ZNF91: variants seen among roughly 807,000 people sequenced by gnomAD.
ZNF91 encodes the protein zinc finger protein 91 (HPF7, HTF10).
Under a neutral mutation model 12.6 loss-of-function variants are expected in ZNF91, and 7 were observed. That is an observed-to-expected ratio of 0.55 (90% CI 0.31 to 1.04). The LOEUF is 1.04. Among genes scored for constraint, ZNF91 ranks in the 50% least tolerant of loss-of-function variants. The pLI, the probability that ZNF91 is intolerant of heterozygous loss-of-function variation, is 0.05. For synonymous variants in ZNF91, 453 were observed against 462.6 expected, an observed-to-expected ratio of 0.98 and a Z score of 0.27; for missense variants, 1,217 against 1,385.4, an observed-to-expected ratio of 0.88 and a Z score of 1.93.
chr19:23,359,367 C>T lies in ZNF91; in HGVS notation c.*36G>A, dbSNP rs112364077. ...CCTCTCGCATAGCTGGGACTACAGGCGCCCGCCACCACGCCCGGCTAATTT... is the reference window on the plus strand; with the variant it reads ...CCTCTCGCATAGCTGGGACTACAGGTGCCCGCCACCACGCCCGGCTAATTT... On this transcript the variant is annotated 3_prime_UTR_variant, in exon 4 of 4. Coordinates refer to ENST00000300619, the MANE Select transcript of ZNF91 (RefSeq NM_003430.4). The T allele has an allele frequency of 2.8e-4, 197 of 710,468 alleles. 1 individual carries two copies. Among genetic ancestry groups the T allele is most frequent in the African/African-American group, 2.4e-3 (132 of 55,650 alleles). The allele number at this position is 710,468 out of a possible 1,614,324, so 44.0% of individuals were successfully genotyped here.
chr19:23,349,740 C>G (rs1350238578), intron 3 of ZNF91, among the ~76,000 whole-genome samples: 2 of 152,178 alleles, frequency 1.3e-5, no homozygotes, highest in African/African-American at 4.8e-5. Flanking sequence ...ATTCATCGCA[C>G]TAGGGTCAAG....
At chr19:23,356,967 C>T (rs758593614), downstream of ZNF91, among the ~76,000 whole-genome samples, 4 of 151,988 alleles carry the variant, frequency 2.6e-5, no homozygotes, top group African/African-American at 9.7e-5. Context: ...AGGCGGCTCA[C>T]GCCTGTAATC....
chr19:23,385,112 A>G (rs1010238497), intron 1 of ZNF91: 101 of 796,032 alleles, frequency 1.3e-4, no homozygotes, highest in Non-Finnish European at 2.8e-5. Context: ...CTGTCCGAAC[A>G]GTACCCCGAA....
intron 1 of ZNF91, among the ~76,000 whole-genome samples, chr19:23,321,264 T>G (rs988239827): frequency 6.6e-6 from 1 of 152,150 alleles, no homozygotes; most frequent in African/African-American, 2.4e-5. Flanking sequence ...GACTCTATTC[T>G]CAAGCCTTGG....
intron 3 of ZNF91, among the ~76,000 whole-genome samples, chr19:23,340,919 TATA>T (rs1212055937): frequency 9.2e-5 from 14 of 151,420 alleles, no homozygotes; most frequent in Admixed American, 7.9e-4. Context: ...AACTCAAAAA[TATA>T]ATAATAGTAA....
intron 1 of ZNF91, among the ~76,000 whole-genome samples, chr19:23,389,007 G>A (rs1004693866): frequency 1.3e-5 from 2 of 152,112 alleles, no homozygotes; most frequent in African/African-American, 4.8e-5. Context: ...GAGGGTGGAG[G>A]GTGGCAGGAG....
At chr19:23,369,320 AAAC>A (rs1255498472) in intron 3 of ZNF91, among the ~76,000 whole-genome samples, 2 of 150,210 alleles carry the variant, frequency 1.3e-5, no homozygotes, top group Non-Finnish European at 3.0e-5. Context: ...AGAAAAAAAA[AAAC>A]AACGCCCGGG....
At chr19:23,385,146 C>A in intron 1 of ZNF91, 1 of 731,102 alleles carries the variant, frequency 1.4e-6, no homozygotes. Context: ...ACATGTTTCA[C>A]CATCCCGCGT....
In ZNF91 at chr19:23,362,211, A is replaced by T; in HGVS notation, c.768T>A (p.His256Gln). 3 of 1,612,982 alleles carry T rather than the reference A, an allele frequency of 1.9e-6. No homozygotes were observed. The highest frequency in any genetic ancestry group is 1.7e-6 in the Non-Finnish European group (2 of 1,179,322). ...TTTTCTCTTTAGCACAGATTATTTT[A>T]TGTGTAGTAAGGGTTGAGAGCTGCT... ...AFKQLSTLTT[H>Q]KIICAKEKIY... Residue 256 changes from histidine (H) to glutamine (Q), a missense_variant, in exon 4 of 4, where the codon CAT becomes CAA. This residue lies in a region of ZNF91 where 726 missense variants were observed against 895.5 expected (regional missense o/e 0.81). Coordinates refer to ENST00000300619, the MANE Select transcript of ZNF91 (RefSeq NM_003430.4).
intron 1 of ZNF91, among the ~76,000 whole-genome samples, chr19:23,319,569 CAT>C (rs34638871): frequency 0.19 from 28,610 of 152,178 alleles, 2,903 homozygotes; most frequent in Non-Finnish European, 0.21. Flanking sequence ...GGCCTTGTGA[CAT>C]ATATCTGCAT....
exon 4 of ZNF91, chr19:23,338,791 C>G (rs547459578): frequency 7.9e-5 from 12 of 152,062 alleles, no homozygotes; most frequent in African/African-American, 2.7e-4. Context: ...CGGTGGCTCA[C>G]GCCTGTAGTC....
At chr19:23,337,047 T>C (rs571350896), downstream of ZNF91, among the ~76,000 whole-genome samples, 75 of 152,342 alleles carry the variant, frequency 4.9e-4, no homozygotes, top group South Asian at 0.011. Context: ...ATAGATTGCA[T>C]AGTGGTGAAG....
upstream of ZNF91, among the ~76,000 whole-genome samples, chr19:23,313,529 T>C (rs1946199498): frequency 6.6e-6 from 1 of 152,166 alleles, no homozygotes; most frequent in Non-Finnish European, 1.5e-5. Flanking sequence ...CAGAGAACAT[T>C]GTAATTTACT....
intron 1 of ZNF91, among the ~76,000 whole-genome samples, chr19:23,320,951 GC>G (rs1308871089): frequency 6.6e-6 from 1 of 152,136 alleles, no homozygotes; most frequent in Non-Finnish European, 1.5e-5. Flanking sequence ...CCATAATTTA[GC>G]ACACGTGTCA....
At chr19:23,333,335 T>C (rs909923912) in intron 1 of ZNF91, among the ~76,000 whole-genome samples, 4 of 152,226 alleles carry the variant, frequency 2.6e-5, no homozygotes, top group South Asian at 2.1e-4. Flanking sequence ...AGAATTTGCA[T>C]TGGGGTGATC....
upstream of ZNF91, among the ~76,000 whole-genome samples, chr19:23,312,861 AT>A (rs1226378599): frequency 6.6e-6 from 1 of 152,208 alleles, no homozygotes; most frequent in Non-Finnish European, 1.5e-5. Context: ...AAAGATTGTC[AT>A]CTTCCCACAT....
chr19:23,326,565 G>A (rs964557062), intron 1 of ZNF91: 1 of 152,184 alleles, frequency 6.6e-6, no homozygotes, highest in East Asian at 1.9e-4. Context: ...GACCTCAGGT[G>A]AGCCGCCTGC....
rs1211979741 is a variant in ZNF91 at position 23,361,360 on chromosome 19, T to C, written c.1619A>G (p.His540Arg). The C allele has an allele frequency of 1.2e-6, 2 of 1,607,528 alleles. No homozygotes were observed. The highest frequency in any genetic ancestry group is 2.2e-5 in the South Asian group (2 of 90,618). Residue 540 changes from histidine to arginine, a missense_variant, in exon 4 of 4, where the codon CAT becomes CGT. Coordinates refer to ENST00000300619, the MANE Select transcript of ZNF91 (RefSeq NM_003430.4). Reference protein sequence around the residue: ...SLTLNKHKIIHSREKPYKCKE... With the variant: ...SLTLNKHKIIRSREKPYKCKE... ...ACATTTGTAGGGTTTCTCTCTACTA[T>C]GAATTATCTTATGTTTATTAAGGGT... is the stretch of plus-strand genomic sequence containing the variant.
chr19:23,311,374 A>G (rs776256203), upstream of ZNF91, among the ~76,000 whole-genome samples: 12 of 152,006 alleles, frequency 7.9e-5, no homozygotes, highest in South Asian at 4.1e-4. Context: ...ACTTTCTCGC[A>G]TAAGTCCTGC....
Sources: allele counts gnomAD v4.1 joint callset (sites outside exome capture counted in the v4.1 genomes callset), GRCh38; gene constraint gnomAD v4.1.1; regional missense constraint gnomAD v4.1.1; transcripts MANE v1.5; gene names NCBI Gene and HGNC (gene_info 2026-07-23, HGNC 2026-07-21).